Variants in PROS1 observed in about 807,000 individuals in gnomAD.
PROS1 encodes the protein vitamin K-dependent protein S.
In PROS1, 29 loss-of-function variants were observed where a neutral mutation model predicts 75.9. That is an observed-to-expected ratio of 0.38 (90% CI 0.28 to 0.52). PROS1 has a LOEUF of 0.52. Among genes scored for constraint, PROS1 ranks in the 20% least tolerant of loss-of-function variants. The pLI is 0.83. For missense variants in PROS1, 680 were observed against 810.3 expected (o/e 0.84, Z 1.95); for synonymous variants, 245 against 280.6 (o/e 0.87, Z 1.27).
intron 1 of PROS1, among the ~76,000 whole-genome samples, chr3:93,952,367 T>A (rs1448871841): frequency 6.6e-6 from 1 of 152,136 alleles, no homozygotes; most frequent in Non-Finnish European, 1.5e-5. Flanking sequence ...ACAGAAATTA[T>A]AACAAACTGT....
At chr3:93,925,432 G>T (rs1709002072) in intron 2 of PROS1, among the ~76,000 whole-genome samples, 1 of 152,112 alleles carries the variant, frequency 6.6e-6, no homozygotes, top group Non-Finnish European at 1.5e-5. Context: ...GTACTGTGGG[G>T]ACTGGAAATG....
chr3:93,940,809 C>T (rs1256380969), intron 1 of PROS1, among the ~76,000 whole-genome samples: 1 of 152,198 alleles, frequency 6.6e-6, no homozygotes, highest in Non-Finnish European at 1.5e-5. Context: ...CCTGCTACAG[C>T]ATGGGCTTCT....
chr3:93,949,865 G>T (rs1709464603), intron 1 of PROS1, among the ~76,000 whole-genome samples: 1 of 152,202 alleles, frequency 6.6e-6, no homozygotes, highest in African/African-American at 2.4e-5. Context: ...CACAGAGTGT[G>T]AGCCAAAGCA....
At position 93,906,017 on chromosome 3, in the gene PROS1, G is replaced by C; in HGVS notation, c.469+4C>G. 5.0e-6 allele frequency: 8 copies of C among 1,613,988 alleles called. No individual in the cohort carries two copies. The highest frequency in any genetic ancestry group is 4.2e-6 in the Non-Finnish European group (5 of 1,179,976). On this transcript the variant is annotated splice_donor_region_variant and intron_variant, in intron 5 of 14. Coordinates refer to ENST00000394236, the MANE Select transcript of PROS1 (RefSeq NM_000313.4). Reference sequence around the variant, plus strand: ...AGCTGGGGGGCGGGGGTTATTATACGTACCAAATTCACACTTTTCTCCTTG... The same window carrying C: ...AGCTGGGGGGCGGGGGTTATTATACCTACCAAATTCACACTTTTCTCCTTG...
At chr3:93,930,268 T>C (rs779280875) in intron 1 of PROS1, among the ~76,000 whole-genome samples, 7 of 152,248 alleles carry the variant, frequency 4.6e-5, no homozygotes, top group African/African-American at 9.6e-5. Flanking sequence ...GACTTATCAA[T>C]GACAGTCCTG....
intron 1 of PROS1, among the ~76,000 whole-genome samples, chr3:93,970,903 T>C (rs1709869898): frequency 6.6e-6 from 1 of 152,146 alleles, no homozygotes; most frequent in South Asian, 2.1e-4. Context: ...AGAAGGCTGA[T>C]GGGAGGATTC....
intron 1 of PROS1, among the ~76,000 whole-genome samples, chr3:93,958,974 C>T (rs534767103): frequency 3.3e-5 from 5 of 152,286 alleles, no homozygotes; most frequent in East Asian, 3.9e-4. Flanking sequence ...TTTGAAAACA[C>T]TAGAGGCAGA....
At chr3:93,919,134 G>C (rs1302902806) in intron 3 of PROS1, among the ~76,000 whole-genome samples, 1 of 152,134 alleles carries the variant, frequency 6.6e-6, no homozygotes, top group East Asian at 1.9e-4. Context: ...AAGGCGGAAA[G>C]TACATCCTCA....
At chr3:93,931,657 C>T (rs761556240) in intron 1 of PROS1, among the ~76,000 whole-genome samples, 1 of 152,130 alleles carries the variant, frequency 6.6e-6, no homozygotes, top group Non-Finnish European at 1.5e-5. Context: ...CCTTTAGGGC[C>T]CAATCGGACA....
At chr3:93,897,421 T>A (rs1708517573) in intron 8 of PROS1, among the ~76,000 whole-genome samples, 1 of 152,000 alleles carries the variant, frequency 6.6e-6, no homozygotes, top group Non-Finnish European at 1.5e-5. Flanking sequence ...GGCCCAGAAA[T>A]AACATTTTAT....
At chr3:93,912,501 C>A (rs576505265) in intron 3 of PROS1, among the ~76,000 whole-genome samples, 1 of 152,234 alleles carries the variant, frequency 6.6e-6, no homozygotes, top group East Asian at 1.9e-4. Flanking sequence ...ATTCAGCCTA[C>A]CATGGTGAGA....
intron 3 of PROS1, 100 bp from the exon 4 acceptor site, chr3:93,910,805 T>C: frequency 1.1e-6 from 1 of 928,474 alleles, no homozygotes; most frequent in South Asian, 1.4e-5. Context: ...TTTATGCTCC[T>C]GTAGATTCAC....
chr3:93,910,754 G>C (rs1431090900), intron 3 of PROS1, 49 bp from the exon 4 acceptor site: 1 of 1,447,762 alleles, frequency 6.9e-7, no homozygotes, highest in Non-Finnish European at 9.6e-7. Context: ...ACACATACTT[G>C]ATCTGAATTC....
chr3:93,956,535 CACACACACACACACACACACACACACA>C (rs1709603817), intron 1 of PROS1, among the ~76,000 whole-genome samples: 10 of 102,362 alleles, frequency 9.8e-5, no homozygotes, highest in Non-Finnish European at 1.8e-4. Flanking sequence ...TCTCTCTCTA[CACACACACACACACACACACACACACA>C]AACACACACA....
At chr3:93,969,590 C>T (rs1709843501) in intron 1 of PROS1, among the ~76,000 whole-genome samples, 1 of 152,144 alleles carries the variant, frequency 6.6e-6, no homozygotes, top group African/African-American at 2.4e-5. Context: ...GACTGGAAGA[C>T]AGAATTGAGT....
intron 8 of PROS1, 40 bp from the exon 9 acceptor site, chr3:93,896,731 A>T: frequency 7.0e-7 from 1 of 1,426,102 alleles, no homozygotes; most frequent in South Asian, 1.1e-5. Context: ...AGAAAATCAA[A>T]ATGCACAGGT....
chr3:93,898,359 A>G, intron 8 of PROS1, 89 bp downstream of exon 8: 3 of 1,472,410 alleles, frequency 2.0e-6, no homozygotes, highest in East Asian at 2.3e-5. Context: ...GAACGTCTGT[A>G]TTTTCCTGAC....
intron 3 of PROS1, among the ~76,000 whole-genome samples, chr3:93,924,000 G>A (rs936687754): frequency 2.6e-5 from 4 of 151,746 alleles, no homozygotes; most frequent in Admixed American, 2.6e-4. Context: ...AGCTTCATGA[G>A]AAAGACATGA....
chr3:93,933,249 G>A (rs1049621180), intron 1 of PROS1, among the ~76,000 whole-genome samples: 7 of 152,158 alleles, frequency 4.6e-5, no homozygotes, highest in Admixed American at 2.0e-4. Flanking sequence ...TGCTTCACAA[G>A]TCTCAATTGA....
Sources: allele counts gnomAD v4.1 joint callset (sites outside exome capture counted in the v4.1 genomes callset), GRCh38; gene constraint gnomAD v4.1.1; transcripts MANE v1.5; gene names NCBI Gene and HGNC (gene_info 2026-07-23, HGNC 2026-07-21).